Variants in STAC observed in about 807,000 individuals in gnomAD.
The protein encoded by STAC is SH3 and cysteine rich domain.
STAC carries 43 observed loss-of-function variants against 48.8 expected under a neutral mutation model. That is an observed-to-expected ratio of 0.88 (90% CI 0.69 to 1.14). The LOEUF (loss-of-function observed/expected upper bound fraction) is 1.14. Ranked by LOEUF, STAC falls within the 50% of genes most tolerant of loss-of-function variation. The pLI is 0.00. For missense variants in STAC, 497 were observed against 504.0 expected (o/e 0.99, Z 0.13); for synonymous variants, 193 against 179.5 (o/e 1.07, Z -0.60).
At chr3:36,451,563 C>T (rs73065779) in intron 2 of STAC, among the ~76,000 whole-genome samples, 8,120 of 152,130 alleles carry the variant, frequency 0.053, 293 homozygotes, top group Non-Finnish European at 0.076. Context: ...CAATATTCAC[C>T]ACCATTCTAT....
chr3:36,417,807 C>G (rs1236096784), intron 1 of STAC, among the ~76,000 whole-genome samples: 1 of 152,108 alleles, frequency 6.6e-6, no homozygotes, highest in East Asian at 1.9e-4. Context: ...GAGAAACTTG[C>G]CCATAAAAAA....
intron 8 of STAC, among the ~76,000 whole-genome samples, chr3:36,516,020 G>A (rs954165754): frequency 1.9e-4 from 17 of 89,612 alleles, no homozygotes; most frequent in Admixed American, 3.7e-4. Context: ...TTTCACTCAT[G>A]TTGCCCTAGC....
intron 8 of STAC, among the ~76,000 whole-genome samples, chr3:36,522,779 A>G (rs78721071): frequency 0.12 from 18,468 of 152,130 alleles, 1,296 homozygotes; most frequent in South Asian, 0.15. Flanking sequence ...CCTCATCTGG[A>G]GGGTGTCGTG....
chr3:36,487,097 T>C (rs1697834284), intron 5 of STAC, among the ~76,000 whole-genome samples: 1 of 152,076 alleles, frequency 6.6e-6, no homozygotes, highest in Non-Finnish European at 1.5e-5. Flanking sequence ...AGTGACTAGG[T>C]GGATTGTGGG....
chr3:36,412,329 C>T (rs139478708), intron 1 of STAC, among the ~76,000 whole-genome samples: 10 of 152,114 alleles, frequency 6.6e-5, no homozygotes, highest in Non-Finnish European at 1.2e-4. Flanking sequence ...GCAAAACTCT[C>T]GAGAAATCTA....
intron 8 of STAC, among the ~76,000 whole-genome samples, chr3:36,517,309 C>T (rs1317678000): frequency 6.6e-6 from 1 of 152,182 alleles, no homozygotes; most frequent in Non-Finnish European, 1.5e-5. Context: ...GAAAATTACA[C>T]TTTATGGACT....
At chr3:36,540,980 T>C (rs1699310363) in intron 10 of STAC, among the ~76,000 whole-genome samples, 1 of 152,176 alleles carries the variant, frequency 6.6e-6, no homozygotes, top group Admixed American at 6.5e-5. Context: ...ATAAAGAGTC[T>C]GATAGAGGTC....
At chr3:36,431,392 G>A (rs1393326858) in intron 1 of STAC, among the ~76,000 whole-genome samples, 1 of 152,108 alleles carries the variant, frequency 6.6e-6, no homozygotes, top group Non-Finnish European at 1.5e-5. Flanking sequence ...GCCCGTGTTG[G>A]GCTTTATGGC....
intron 2 of STAC, among the ~76,000 whole-genome samples, chr3:36,471,176 G>A (rs927381399): frequency 6.6e-6 from 1 of 152,158 alleles, no homozygotes; most frequent in Admixed American, 6.5e-5. Flanking sequence ...CATGGCAGCA[G>A]CAAGAGAGAA....
At chr3:36,450,024 T>A (rs1575207953) in intron 2 of STAC, among the ~76,000 whole-genome samples, 2 of 152,344 alleles carry the variant, frequency 1.3e-5, no homozygotes. Context: ...TCTATCTTTC[T>A]ATCAATCCAG....
At chr3:36,402,142 T>C (rs1700009575) in intron 1 of STAC, among the ~76,000 whole-genome samples, 1 of 152,214 alleles carries the variant, frequency 6.6e-6, no homozygotes, top group Non-Finnish European at 1.5e-5. Flanking sequence ...TGAAGCAGTA[T>C]TGGCTTGTAG....
chr3:36,440,444 G>A (rs1351014753), intron 1 of STAC, among the ~76,000 whole-genome samples: 1 of 152,130 alleles, frequency 6.6e-6, no homozygotes, highest in African/African-American at 2.4e-5. Flanking sequence ...CTCTGCTTCT[G>A]GACTCTATCC....
At chr3:36,412,952 C>G (rs1184521046) in intron 1 of STAC, among the ~76,000 whole-genome samples, 6 of 152,126 alleles carry the variant, frequency 3.9e-5, no homozygotes, top group Non-Finnish European at 8.8e-5. Context: ...CATTCAGGAG[C>G]AGGTTGTTCA....
chr3:36,491,086 A>G (rs2125705094), intron 5 of STAC, among the ~76,000 whole-genome samples: 1 of 152,302 alleles, frequency 6.6e-6, no homozygotes, highest in South Asian at 2.1e-4. Flanking sequence ...AGAAACATTG[A>G]TTGGTATTTT....
chr3:36,421,925 A>G (rs1700460548), intron 1 of STAC, among the ~76,000 whole-genome samples: 1 of 151,944 alleles, frequency 6.6e-6, no homozygotes, highest in Non-Finnish European at 1.5e-5. Flanking sequence ...TTCATACCTT[A>G]TTTTGAAGAT....
chr3:36,429,468 TG>T (rs1010649187), intron 1 of STAC, among the ~76,000 whole-genome samples: 2 of 152,116 alleles, frequency 1.3e-5, no homozygotes, highest in African/African-American at 2.4e-5. Context: ...CTGGGAGTGG[TG>T]GGGAACAGGT....
intron 1 of STAC, among the ~76,000 whole-genome samples, chr3:36,432,175 C>T (rs1393070456): frequency 6.6e-6 from 1 of 152,178 alleles, no homozygotes; most frequent in African/African-American, 2.4e-5. Flanking sequence ...ACTTTAGATG[C>T]TTTATTTTAT....
chr3:36,415,812 G>T (rs1057418049), intron 1 of STAC, among the ~76,000 whole-genome samples: 1 of 151,922 alleles, frequency 6.6e-6, no homozygotes, highest in Non-Finnish European at 1.5e-5. Flanking sequence ...GGAGAAGAAG[G>T]AATCCAATTT....
chr3:36,420,663 A>G (rs879498440), intron 1 of STAC, among the ~76,000 whole-genome samples: 4 of 152,078 alleles, frequency 2.6e-5, no homozygotes, highest in Admixed American at 1.3e-4. Flanking sequence ...TCCCCCCTCT[A>G]CCTCAATCCA....
Sources: allele counts gnomAD v4.1 joint callset (sites outside exome capture counted in the v4.1 genomes callset), GRCh38; gene constraint gnomAD v4.1.1; transcripts MANE v1.5; gene names NCBI Gene and HGNC (gene_info 2026-07-23, HGNC 2026-07-21).